The following ZNF318 variants were observed in gnomAD, a reference collection of about 807,000 sequenced individuals.
The protein encoded by ZNF318 is endocrine regulator.
A neutral mutation model predicts 124.2 loss-of-function variants in ZNF318; 51 were observed. The ratio of observed to expected loss-of-function variants is 0.41; its 90% CI spans 0.33 to 0.52. ZNF318 has a LOEUF of 0.52. Among genes scored for constraint, ZNF318 ranks in the 20% least tolerant of loss-of-function variants. The pLI, the probability that ZNF318 is intolerant of heterozygous loss-of-function variation, is 0.23. For missense variants in ZNF318, 2,815 were observed against 2,811.2 expected (o/e 1.00, Z -0.03); for synonymous variants, 1,090 against 1,040.7 (o/e 1.05, Z -0.91).
chr6:43,365,379 T>C lies in ZNF318; in HGVS notation c.461A>G (p.Asn154Ser). The C allele has an allele frequency of 4.3e-6, 7 of 1,614,078 alleles. No individual in the cohort carries two copies. The highest frequency in any genetic ancestry group is 5.1e-6 in the Non-Finnish European group (6 of 1,180,032). Residue 154 changes from asparagine (N) to serine (S), a missense_variant, in exon 2 of 10, where the codon AAT becomes AGT. Physicochemically the swap from Asn to Ser is conservative, Grantham distance 46. Coordinates refer to ENST00000361428, the MANE Select transcript of ZNF318 (RefSeq NM_014345.3). ...LEKSLRITVG[N>S]DHFCVSTPER... ...TGGTGTGCTAACACAGAAGTGGTCA[T>C]TGCCAACAGTGATCCTTAAGCTCTT...
intron 3 of ZNF318, 100 bp from the exon 4 acceptor site, chr6:43,356,245 G>T: frequency 1.6e-6 from 2 of 1,281,122 alleles, no homozygotes; most frequent in Non-Finnish European, 2.1e-6. Flanking sequence ...GAATTAACAG[G>T]TGAGATACAA....
chr6:43,359,690 C>T (rs1025419322), intron 2 of ZNF318, among the ~76,000 whole-genome samples: 2 of 152,068 alleles, frequency 1.3e-5, no homozygotes, highest in Non-Finnish European at 2.9e-5. Flanking sequence ...AAAACATTGC[C>T]TTTTCTTATT....
intron 6 of ZNF318, among the ~76,000 whole-genome samples, chr6:43,345,245 C>CAAA (rs35628286): frequency 6.6e-5 from 8 of 121,960 alleles, no homozygotes; most frequent in Admixed American, 3.4e-4. Flanking sequence ...GACCCTGTCT[C>CAAA]AAAAAAAAAA....
chr6:43,336,485 T>G lies in ZNF318; in HGVS notation c.*673A>C, dbSNP rs1320252420. 6.6e-6 allele frequency: 1 copy of G among 152,260 alleles called. No individual in the cohort carries two copies. The highest frequency in any genetic ancestry group is 1.5e-5 in the Non-Finnish European group (1 of 68,048). The allele number at this position is 152,260 out of a possible 1,614,324, so 9.4% of individuals were successfully genotyped here. A position where few individuals can be genotyped will look rare whatever the true frequency, so the allele number is the denominator to read the frequency against. On this transcript the variant is annotated 3_prime_UTR_variant, in exon 10 of 10. Transcript: ENST00000361428. ...AGCCTGCCAGATATTCTTCCATGTT[T>G]ATTTCCAAACAGGTTTGTGGGTTAG... is the stretch of plus-strand genomic sequence containing the variant.
At chr6:43,345,823 C>T (rs1162502174) in intron 6 of ZNF318, among the ~76,000 whole-genome samples, 1 of 152,116 alleles carries the variant, frequency 6.6e-6, no homozygotes. Context: ...TTTATCCTCT[C>T]GGGCCAGGTG....
chr6:43,366,502 T>C (rs763796151), intron 1 of ZNF318, among the ~76,000 whole-genome samples: 5 of 152,076 alleles, frequency 3.3e-5, no homozygotes, highest in African/African-American at 4.8e-5. Context: ...CTCTCAAAAA[T>C]TTTAACTCCC....
intron 8 of ZNF318, among the ~76,000 whole-genome samples, 154 bp downstream of exon 8, chr6:43,341,958 T>C (rs1378226870): frequency 6.6e-6 from 1 of 152,218 alleles, no homozygotes; most frequent in Non-Finnish European, 1.5e-5. Flanking sequence ...CTTCAGGACC[T>C]AGTACACTGT....
In ZNF318 at chr6:43,338,769, A is replaced by C. The variant is rs1779327372; in HGVS notation, c.5229T>G (p.Ser1743=). The C allele has an allele frequency of 1.2e-6, 2 of 1,614,058 alleles. No homozygotes were observed. The highest frequency in any genetic ancestry group is 1.7e-6 in the Non-Finnish European group (2 of 1,180,036). ...TGAGGTGGATTTCTACCAACTTCTG[A>C]GATTCTTTGCACTGTATATCTAACA... ...PQLLDIQCKE[S]QKLVEIHLRE... Residue 1743 remains serine (S), a synonymous_variant, in exon 10 of 10, where the codon TCT becomes TCG. Transcript: ENST00000361428.
intron 6 of ZNF318, among the ~76,000 whole-genome samples, chr6:43,346,842 A>G (rs936406970): frequency 4.6e-5 from 7 of 152,216 alleles, no homozygotes; most frequent in Admixed American, 1.3e-4. Flanking sequence ...AAGATGTAAT[A>G]TAATGTTTCT....
intron 6 of ZNF318, among the ~76,000 whole-genome samples, chr6:43,344,267 T>A (rs1331877826): frequency 2.0e-5 from 3 of 152,292 alleles, no homozygotes; most frequent in East Asian, 3.9e-4. Context: ...ACTGGCACCA[T>A]CTTCTAGAAG....
chr6:43,343,409 A>G (rs1030718293), intron 6 of ZNF318, among the ~76,000 whole-genome samples: 4 of 152,194 alleles, frequency 2.6e-5, no homozygotes, highest in Non-Finnish European at 5.9e-5. Flanking sequence ...AACTGGAGAG[A>G]AGGGTTGGTG....
intron 7 of ZNF318, 61 bp from the exon 8 acceptor site, chr6:43,342,272 C>G (rs1239819265): frequency 6.0e-5 from 83 of 1,385,866 alleles, no homozygotes; most frequent in Non-Finnish European, 7.8e-5. Flanking sequence ...ACCCACTTTT[C>G]TCTTTTTTTT....
Position 43,337,114 on chromosome 6 carries a change from T to G in ZNF318, c.*44A>C. 1 of 1,494,496 alleles carries G rather than the reference T, an allele frequency of 6.7e-7. No homozygotes were observed. Among genetic ancestry groups the G allele is most frequent in the Non-Finnish European group, 8.9e-7 (1 of 1,118,740 alleles). 92.6% of individuals were successfully genotyped at this position (1,494,496 alleles called of 1,614,324 possible). On this transcript the variant is annotated 3_prime_UTR_variant, in exon 10 of 10. Transcript: ENST00000361428. ...TTGGATCATCTGGGCATCTGATTTC[T>G]AGAAGCCAATGATTCACTCACAAGT... is the stretch of plus-strand genomic sequence containing the variant.
rs1444857233 is a variant in ZNF318, at chr6:43,339,942, C to T, written c.4056G>A (p.Leu1352=). ...TSTQTKIRPN[L]PIPSTVLRKS... is the part of the protein sequence containing the mutation. ...TGCGGAGTACTGTGGATGGAATAGG[C>T]AGGTTGGGTCGGATCTTAGTCTGTG... Residue 1352 remains leucine (L), a synonymous_variant, in exon 10 of 10, where the codon CTG becomes CTA. Coordinates refer to ENST00000361428, the MANE Select transcript of ZNF318 (RefSeq NM_014345.3). The surrounding 1 kb of genome is among the most constrained non-coding windows in gnomAD (Gnocchi z 4.2). 4.3e-6 allele frequency: 7 copies of T among 1,613,994 alleles called. No individual in the cohort carries two copies. The East Asian group carries it at 6.7e-5, about 15-fold the overall frequency.
chr6:43,354,657 T>C lies in ZNF318; in HGVS notation c.2670+7A>G, dbSNP rs372259916. The C allele has an allele frequency of 1.1e-4, 168 of 1,588,720 alleles. No individual in the cohort carries two copies. The highest frequency in any genetic ancestry group is 5.4e-4 in the South Asian group (48 of 88,868). On this transcript the variant is annotated splice_region_variant and intron_variant, in intron 4 of 9. Transcript: ENST00000361428. The stretch of plus-strand genomic sequence containing the variant: ...TCAGGCACAGGATACCCAAAGCTAA[T>C]ATTCACCTTTTGCTTCTGGGAAGCA...
chr6:43,342,988 T>C, intron 6 of ZNF318, 109 bp from the exon 7 acceptor site: 1 of 866,098 alleles, frequency 1.2e-6, no homozygotes, highest in Non-Finnish European at 1.8e-6. Context: ...TATGACCATA[T>C]TTCCAATGTT....
chr6:43,341,522 C>T (rs533205312), intron 8 of ZNF318, among the ~76,000 whole-genome samples: 8 of 152,078 alleles, frequency 5.3e-5, no homozygotes, highest in East Asian at 3.9e-4. Flanking sequence ...TGGTGGCAGG[C>T]GCCTGTAGTC....
At chr6:43,343,311 C>T (rs1779396410) in intron 6 of ZNF318, among the ~76,000 whole-genome samples, 1 of 151,912 alleles carries the variant, frequency 6.6e-6, no homozygotes, top group South Asian at 2.1e-4. Flanking sequence ...GAAGAAAAAC[C>T]AATATGGAAA....
chr6:43,355,630 G>A lies in ZNF318; in HGVS notation c.1704C>T (p.Ser568=), dbSNP rs1213612087. 1 of 1,614,086 alleles carries A rather than the reference G, an allele frequency of 6.2e-7. No individual in the cohort carries two copies. Residue 568 remains serine, a synonymous_variant, in exon 4 of 10, where the codon AGC becomes AGT. Coordinates refer to ENST00000361428, the MANE Select transcript of ZNF318 (RefSeq NM_014345.3). The part of the protein sequence containing the change: ...SESEVMRQKA[S]SLPSSAPAVK... ...CAGCTGGAGCTGAAGACGGCAGGGA[G>A]CTTGCCTTCTGCCTCATAACTTCAC...
Sources: gnomAD v4.1 joint callset for allele counts (sites outside exome capture counted in the v4.1 genomes callset) on GRCh38, gnomAD v4.1.1 for gene constraint, Gnocchi (gnomAD v3.1) non-coding constraint, MANE v1.5 for transcripts, NCBI Gene and HGNC (gene_info 2026-07-23, HGNC 2026-07-21) for gene names.